The following ACOT7 variants were observed in gnomAD, a reference collection of about 807,000 sequenced individuals.
The protein encoded by ACOT7 is acyl-CoA thioesterase 7.
ACOT7 carries 12 observed loss-of-function variants against 40.2 expected under a neutral mutation model. The ratio of observed to expected loss-of-function variants is 0.30; its 90% confidence interval spans 0.19 to 0.48. The LOEUF (loss-of-function observed/expected upper bound fraction) is 0.48, where lower values mean the gene tolerates loss of function less well. Among genes scored for constraint, ACOT7 ranks in the 20% least tolerant of loss-of-function variants. The probability of loss-of-function intolerance (pLI) is 0.99; values close to 1 mark genes in which losing one functional copy is unlikely to be tolerated. For synonymous variants in ACOT7, 228 were observed against 219.5 expected (o/e 1.04, Z -0.34); for missense variants, 395 against 530.8 (o/e 0.74, Z 2.51).
At chr1:6,271,176 G>A in intron 8 of ACOT7, among the ~76,000 whole-genome samples, 1 of 152,226 alleles carries the variant, frequency 6.6e-6, no homozygotes. Context: ...CAAACCAAAT[G>A]TTTTCCACTT....
intron 7 of ACOT7, among the ~76,000 whole-genome samples, chr1:6,293,918 G>A (rs992667393): frequency 2.6e-5 from 4 of 152,192 alleles, no homozygotes; most frequent in African/African-American, 9.7e-5. Context: ...AGCTGCCGGA[G>A]ACAGCACCAA....
chr1:6,327,783 T>C (rs1023795776), intron 4 of ACOT7, among the ~76,000 whole-genome samples: 4 of 152,180 alleles, frequency 2.6e-5, no homozygotes, highest in South Asian at 4.1e-4. Flanking sequence ...ACTTTTCTTT[T>C]CTTTGTTTTT....
intron 2 of ACOT7, among the ~76,000 whole-genome samples, chr1:6,347,319 C>T (rs573173730): frequency 7.9e-5 from 12 of 152,280 alleles, no homozygotes; most frequent in Admixed American, 5.9e-4. Flanking sequence ...GCCCCAGATC[C>T]GGAGAAGGAG....
Position 6,277,506 on chromosome 1 carries a change from A to G in ACOT7, c.1014+3596T>C, listed in dbSNP as rs114389833. On this transcript the variant is annotated intron_variant, in intron 8 of 8. Coordinates refer to ENST00000361521, the MANE Select transcript of ACOT7 (RefSeq NM_007274.4). Reference sequence around the variant, plus strand: ...TTACGCCCATATGCGTGAGCCCCATAGACTCCCACCAGCCCTCTCTCCCCA... The same window carrying G: ...TTACGCCCATATGCGTGAGCCCCATGGACTCCCACCAGCCCTCTCTCCCCA... 1.4e-3 allele frequency among the ~76,000 whole-genome samples: 217 copies of G among 152,286 alleles called. 2 individuals are homozygous for G. Among genetic ancestry groups the G allele is most frequent in the African/African-American group, 4.9e-3 (202 of 41,574 alleles).
intron 1 of ACOT7, among the ~76,000 whole-genome samples, chr1:6,357,981 C>G (rs892123304): frequency 6.6e-6 from 1 of 151,988 alleles, no homozygotes; most frequent in Non-Finnish European, 1.5e-5. Flanking sequence ...ATTCTCCTAC[C>G]TCAGCCTCCC....
chr1:6,323,516 G>A (rs1210503253), intron 5 of ACOT7, among the ~76,000 whole-genome samples: 1 of 151,956 alleles, frequency 6.6e-6, no homozygotes, highest in South Asian at 2.1e-4. Flanking sequence ...TCAGGAGTTC[G>A]AGACCAGCTT....
In ACOT7 at chr1:6,282,717, T is replaced by C. The variant is rs778965427; in HGVS notation, c.830-1431A>G. The C allele has an allele frequency of 1.1e-5, 14 of 1,303,686 alleles. No individual in the cohort carries two copies. Among genetic ancestry groups the C allele is most frequent in the Admixed American group, 6.9e-5 (3 of 43,558 alleles). The allele number at this position is 1,303,686 out of a possible 1,614,324, so 80.8% of individuals were successfully genotyped here. On this transcript the variant is annotated intron_variant, in intron 7 of 8. Coordinates refer to ENST00000361521, the MANE Select transcript of ACOT7 (RefSeq NM_007274.4). This position sits in a 1 kb window ranked among gnomAD's most constrained non-coding sequence, Gnocchi z 4.5. Reference sequence around the variant, plus strand: ...ACGATCCATGCTACATTCAACTTCATACTTACAGGGAGCACTTCGTGCCAG... The same window carrying C: ...ACGATCCATGCTACATTCAACTTCACACTTACAGGGAGCACTTCGTGCCAG...
chr1:6,305,524 C>G (rs2148407583), intron 6 of ACOT7, among the ~76,000 whole-genome samples: 1 of 150,944 alleles, frequency 6.6e-6, no homozygotes, highest in East Asian at 2.0e-4. Flanking sequence ...GGGCGGTTGC[C>G]AGGCAGAGGG....
At position 6,370,449 on chromosome 1, in the gene ACOT7, C is replaced by G. The variant is rs925086348; in HGVS notation, c.144-20583G>C. On this transcript the variant is annotated intron_variant, in intron 1 of 8. Transcript: ENST00000361521. Reference sequence around the variant, plus strand: ...GTTTATCAGGTCTATTGTCAATGAGCAGTGTTAGTATTATTATTATTATTA... The same window carrying G: ...GTTTATCAGGTCTATTGTCAATGAGGAGTGTTAGTATTATTATTATTATTA... Among the ~76,000 whole-genome samples the G allele has an allele frequency of 2.0e-5, 3 of 147,866 alleles. No individual in the cohort carries two copies. The Admixed American group carries it at 2.1e-4, about 10-fold the overall frequency.
intron 5 of ACOT7, among the ~76,000 whole-genome samples, chr1:6,323,329 T>C (rs1640699958): frequency 6.6e-6 from 1 of 152,108 alleles, no homozygotes; most frequent in East Asian, 1.9e-4. Context: ...GGCTGGCGTG[T>C]TCAACAGCTT....
In ACOT7 at chr1:6,288,171, C is replaced by T. The variant is rs923951869; in HGVS notation, c.829+6693G>A. 6.6e-6 allele frequency among the ~76,000 whole-genome samples: 1 copy of T among 152,210 alleles called. No individual in the cohort carries two copies. Among genetic ancestry groups the T allele is most frequent in the African/African-American group, 2.4e-5 (1 of 41,464 alleles). Reference sequence around the variant, plus strand: ...GGCTCTCCCACTCTGTGGGTGCTACCGGGCTCCACGTGCCTTCCCCTGTGC... The same window carrying T: ...GGCTCTCCCACTCTGTGGGTGCTACTGGGCTCCACGTGCCTTCCCCTGTGC... On this transcript the variant is annotated intron_variant, in intron 7 of 8. Coordinates refer to ENST00000361521, the MANE Select transcript of ACOT7 (RefSeq NM_007274.4). The surrounding 1 kb of genome is among the most constrained non-coding windows in gnomAD (Gnocchi z 4.3).
At chr1:6,302,560 T>TA (rs1640002316) in intron 6 of ACOT7, among the ~76,000 whole-genome samples, 1 of 152,080 alleles carries the variant, frequency 6.6e-6, no homozygotes, top group Non-Finnish European at 1.5e-5. Context: ...ATGCACTTTT[T>TA]AGTGTCGATC....
At chr1:6,354,771 TA>T (rs1641696918) in intron 1 of ACOT7, among the ~76,000 whole-genome samples, 1 of 63,150 alleles carries the variant, frequency 1.6e-5, no homozygotes, top group African/African-American at 6.7e-5. Context: ...CACTGGCCTC[TA>T]GCCCCCCCAT....
chr1:6,390,269 C>A (rs1642512231), intron 1 of ACOT7, among the ~76,000 whole-genome samples: 1 of 152,198 alleles, frequency 6.6e-6, no homozygotes, highest in African/African-American at 2.4e-5. Flanking sequence ...AAGGCAGCCA[C>A]TTAGAAACAA....
intron 1 of ACOT7, among the ~76,000 whole-genome samples, chr1:6,370,665 T>C (rs1464430411): frequency 1.3e-5 from 2 of 151,238 alleles, no homozygotes; most frequent in East Asian, 3.9e-4. Flanking sequence ...AATTTTTGTA[T>C]ATTTTTTAGT....
chr1:6,348,149 G>A (rs771018605), intron 2 of ACOT7, among the ~76,000 whole-genome samples: 7 of 151,850 alleles, frequency 4.6e-5, no homozygotes, highest in East Asian at 1.9e-4. Context: ...GAGCTGCACC[G>A]GAGCCTCGGG....
Position 6,352,940 on chromosome 1 carries a change from A to G in ACOT7, c.144-3074T>C, listed in dbSNP as rs899876791. Among the ~76,000 whole-genome samples the G allele has an allele frequency of 2.0e-5, 3 of 152,006 alleles. No individual in the cohort carries two copies. The highest frequency in any genetic ancestry group is 7.3e-5 in the African/African-American group (3 of 41,362). ...GTCACCCAGGCTGGAGTACAGTGGC[A>G]TGATCTTGGCTCACTGCAAACTCCG... On this transcript the variant is annotated intron_variant, in intron 1 of 8. Coordinates refer to ENST00000361521, the MANE Select transcript of ACOT7 (RefSeq NM_007274.4). The surrounding 1 kb of genome is among the most constrained non-coding windows in gnomAD (Gnocchi z 4.5).
chr1:6,283,085 A>G (rs2148381654), intron 7 of ACOT7, among the ~76,000 whole-genome samples: 1 of 152,114 alleles, frequency 6.6e-6, no homozygotes, highest in East Asian at 1.9e-4. Context: ...CACGGGGGCC[A>G]CCCATGAGCG....
chr1:6,370,333 C>T (rs770474273), intron 1 of ACOT7, among the ~76,000 whole-genome samples: 17 of 152,038 alleles, frequency 1.1e-4, no homozygotes, highest in African/African-American at 3.1e-4. Flanking sequence ...TACCCAGCTT[C>T]GGGCATTCCT....
Sources: gnomAD v4.1 joint callset for allele counts (sites outside exome capture counted in the v4.1 genomes callset) on GRCh38, gnomAD v4.1.1 for gene constraint, Gnocchi (gnomAD v3.1) non-coding constraint, MANE v1.5 for transcripts, NCBI Gene and HGNC (gene_info 2026-07-23, HGNC 2026-07-21) for gene names.